The following TSC22D3 variants were observed in gnomAD, a reference collection of about 807,000 sequenced individuals.
The protein encoded by TSC22D3 is TSC22 domain family member 3, also known as TSC22 domain family protein 3.
In TSC22D3, 4 loss-of-function variants were observed where a neutral mutation model predicts 11.1. The ratio of observed to expected loss-of-function variants is 0.36; its 90% CI spans 0.18 to 0.83. TSC22D3 has a LOEUF of 0.83. Ranked by LOEUF, TSC22D3 falls within the 40% of genes least tolerant of loss-of-function variation. The pLI is 0.48. For missense variants in TSC22D3, 118 were observed against 159.4 expected (o/e 0.74, Z 1.40); for synonymous variants, 77 against 70.3 (o/e 1.10, Z -0.48).
chrX:107,714,787 C>A (rs778419854), intron 2 of TSC22D3, 38 bp from the exon 3 acceptor site: 2 of 1,156,365 alleles, frequency 1.7e-6, no homozygotes, highest in Non-Finnish European at 2.4e-6. Flanking sequence ...CATTCCTTAG[C>A]CATCGTGGCC....
chrX:107,733,629 C>T (rs1362112289), intron 1 of TSC22D3, among the ~76,000 whole-genome samples: 1 of 111,498 alleles, frequency 9.0e-6, no homozygotes, highest in Admixed American at 9.5e-5. Flanking sequence ...ATGCTCTCTC[C>T]TTCTCTTGCT....
chrX:107,748,237 C>G (rs1928763765), intron 1 of TSC22D3, among the ~76,000 whole-genome samples: 1 of 112,310 alleles, frequency 8.9e-6, no homozygotes, highest in Non-Finnish European at 1.9e-5. Context: ...AAGACTTTTT[C>G]TATCTCTGGG....
At chrX:107,739,229 C>A (rs920984724) in intron 1 of TSC22D3, among the ~76,000 whole-genome samples, 2 of 112,722 alleles carry the variant, frequency 1.8e-5, no homozygotes, top group African/African-American at 6.4e-5. Context: ...CGTGGAAATG[C>A]CCACGTCAGC....
Position 107,775,726 on chromosome X carries a change from G to C in TSC22D3, c.-307C>G, listed in dbSNP as rs1253029155. The C allele has an allele frequency of 1.1e-5, 2 of 185,937 alleles. No homozygotes were observed. Among genetic ancestry groups the C allele is most frequent in the Non-Finnish European group, 2.0e-5 (2 of 101,423 alleles). The allele number at this position is 185,937 out of a possible 1,213,427, so 15.3% of individuals were successfully genotyped here. On this transcript the variant is annotated 5_prime_UTR_variant, in exon 1 of 3. Coordinates refer to ENST00000372383, the MANE Select transcript of TSC22D3 (RefSeq NM_198057.3). The stretch of plus-strand genomic sequence containing the variant: ...GGGCCGCCCCCCTGAGGTGCCACAC[G>C]CGGCCCCAGCGCAGTCCCAAGTTTC...
intron 1 of TSC22D3, among the ~76,000 whole-genome samples, chrX:107,719,474 C>T (rs1280103844): frequency 8.9e-6 from 1 of 112,366 alleles, no homozygotes; most frequent in African/African-American, 3.2e-5. Flanking sequence ...GTGCTGGCTG[C>T]ACCACCAACC....
In TSC22D3 at chrX:107,766,252, A is replaced by G. The variant is rs375316811; in HGVS notation, c.320+8848T>C. On this transcript the variant is annotated intron_variant, in intron 1 of 2. Transcript: ENST00000372383. ...GCAATACTGACTTCACTGGGGGCTCAGTTCCACTAAGCCGGTAATGTAATT... is the reference window on the plus strand; with the variant it reads ...GCAATACTGACTTCACTGGGGGCTCGGTTCCACTAAGCCGGTAATGTAATT... 5.4e-5 allele frequency among the ~76,000 whole-genome samples: 6 copies of G among 112,143 alleles called. No individual in the cohort carries two copies. The East Asian group carries it at 8.4e-4, about 16-fold the overall frequency.
intron 1 of TSC22D3, among the ~76,000 whole-genome samples, chrX:107,768,532 GA>G (rs1298767538): frequency 8.9e-6 from 1 of 112,591 alleles, no homozygotes; most frequent in Non-Finnish European, 1.9e-5. Context: ...AGGAGTAGAT[GA>G]AATTCAAGCT....
chrX:107,717,067 A>G, intron 1 of TSC22D3: 1 of 957,124 alleles, frequency 1.0e-6, no homozygotes. Context: ...AGACTCGGAG[A>G]TATTTTGGCT....
At chrX:107,730,993 G>A (rs1927852896) in intron 1 of TSC22D3, among the ~76,000 whole-genome samples, 1 of 112,404 alleles carries the variant, frequency 8.9e-6, no homozygotes, top group Non-Finnish European at 1.9e-5. Context: ...AATGGCCTTC[G>A]GGCCAGCCCT....
At chrX:107,717,436 C>T (rs191524637) in intron 1 of TSC22D3, among the ~76,000 whole-genome samples, 49 of 112,520 alleles carry the variant, frequency 4.4e-4, no homozygotes, top group African/African-American at 1.5e-3. Context: ...CCTGGACACG[C>T]GCCCTCACCA....
chrX:107,748,604 G>A (rs1199422718), intron 1 of TSC22D3, among the ~76,000 whole-genome samples: 1 of 111,327 alleles, frequency 9.0e-6, no homozygotes, highest in Non-Finnish European at 1.9e-5. Flanking sequence ...TATAACCCTT[G>A]TTCCAACTCT....
intron 1 of TSC22D3, among the ~76,000 whole-genome samples, chrX:107,773,451 C>A (rs1438829862): frequency 2.7e-5 from 3 of 112,186 alleles, no homozygotes. Context: ...CAGAGACAGG[C>A]GGGATCCTTA....
chrX:107,726,430 G>T (rs1003707137), intron 1 of TSC22D3, among the ~76,000 whole-genome samples: 1 of 111,280 alleles, frequency 9.0e-6, no homozygotes, highest in Non-Finnish European at 1.9e-5. Flanking sequence ...CAGTGTTGGG[G>T]GTGGGGTTGA....
intron 1 of TSC22D3, among the ~76,000 whole-genome samples, chrX:107,729,728 G>A (rs1602960450): frequency 8.9e-6 from 1 of 112,737 alleles, no homozygotes; most frequent in Admixed American, 9.3e-5. Context: ...GGTGTTGACA[G>A]CTGGGAGAGG....
At chrX:107,734,746 AT>A (rs201161329) in intron 1 of TSC22D3, among the ~76,000 whole-genome samples, 10 of 108,553 alleles carry the variant, frequency 9.2e-5, no homozygotes, top group African/African-American at 2.4e-4. Context: ...AAATTGTCAC[AT>A]TTTTTTTTAC....
intron 1 of TSC22D3, among the ~76,000 whole-genome samples, chrX:107,772,283 G>T (rs1313322590): frequency 9.0e-6 from 1 of 111,532 alleles, no homozygotes; most frequent in Admixed American, 9.5e-5. Flanking sequence ...CTTGAAAGTT[G>T]ACAAAGGAAA....
intron 1 of TSC22D3, chrX:107,716,721 C>T (rs1232689849): frequency 8.3e-7 from 1 of 1,209,482 alleles, no homozygotes; most frequent in Admixed American, 2.2e-5. Flanking sequence ...ACCACATCCC[C>T]TCCAAGCAGA....
intron 1 of TSC22D3, among the ~76,000 whole-genome samples, chrX:107,750,179 C>T (rs767854941): frequency 5.4e-5 from 6 of 110,681 alleles, no homozygotes; most frequent in East Asian, 5.6e-4. Flanking sequence ...GATTCAGAAA[C>T]GGGTTAAACA....
At chrX:107,716,895 T>C in intron 1 of TSC22D3, 1 of 1,176,403 alleles carries the variant, frequency 8.5e-7, no homozygotes, top group African/African-American at 1.8e-5. Context: ...CAGGCTGCGC[T>C]GGGCTGGGCT....
Sources: gnomAD v4.1 joint callset for allele counts (sites outside exome capture counted in the v4.1 genomes callset) on GRCh38, gnomAD v4.1.1 for gene constraint, MANE v1.5 for transcripts, NCBI Gene and HGNC (gene_info 2026-07-23, HGNC 2026-07-21) for gene names.